TANK: variants seen among roughly 807,000 people sequenced by gnomAD.
TANK encodes the protein TRAF family member associated NFKB activator, also known as TRAF family member-associated NF-kappa-B activator.
Under a neutral mutation model 43.6 loss-of-function variants are expected in TANK, and 15 were observed. The ratio of observed to expected loss-of-function variants is 0.34; its 90% CI spans 0.23 to 0.53. The LOEUF (loss-of-function observed/expected upper bound fraction) is 0.53. Ranked by LOEUF, TANK falls within the 20% of genes least tolerant of loss-of-function variation. The pLI is 0.94. For missense variants in TANK, 417 were observed against 498.6 expected (o/e 0.84, Z 1.56); for synonymous variants, 162 against 178.2 (o/e 0.91, Z 0.73).
chr2:161,153,490 C>T (rs1457418138), intron 1 of TANK, among the ~76,000 whole-genome samples: 1 of 151,842 alleles, frequency 6.6e-6, no homozygotes, highest in Non-Finnish European at 1.5e-5. Context: ...GAGTTTAATA[C>T]CAGCCTGGGC....
intron 1 of TANK, among the ~76,000 whole-genome samples, chr2:161,172,390 T>G (rs1684991072): frequency 6.7e-6 from 1 of 149,440 alleles, no homozygotes; most frequent in African/African-American, 2.5e-5. Context: ...TAAAACGATT[T>G]TGGCCTAATT....
At chr2:161,183,504 C>G (rs1035129676) in intron 2 of TANK, among the ~76,000 whole-genome samples, 1 of 152,074 alleles carries the variant, frequency 6.6e-6, no homozygotes, top group African/African-American at 2.4e-5. Context: ...AAGACAGAAA[C>G]AGGAATTCCT....
chr2:161,232,707 A>G (rs1464194470), intron 7 of TANK: 2 of 1,542,694 alleles, frequency 1.3e-6, no homozygotes, highest in South Asian at 1.2e-5. Context: ...TTTCTCTATT[A>G]TATGTCTTGC....
Position 161,151,466 on chromosome 2 carries a change from T to C in TANK, c.-50+14403T>C, listed in dbSNP as rs528206836. On this transcript the variant is annotated intron_variant, in intron 1 of 7. Coordinates refer to the TANK transcript ENST00000259075. ...TGGGCCCTGTTATTTGATGGATATA[T>C]GTGTATAATTGCTATATCTTCTTGA... 9.2e-5 allele frequency among the ~76,000 whole-genome samples: 14 copies of C among 152,300 alleles called. No homozygotes were observed. In the South Asian group the frequency reaches 2.7e-3, roughly 29 times the overall value.
intron 2 of TANK, among the ~76,000 whole-genome samples, chr2:161,198,114 A>C (rs1574022948): frequency 6.6e-6 from 1 of 152,202 alleles, no homozygotes. Flanking sequence ...CTGTGAGCCT[A>C]TGAAATTATA....
chr2:161,177,590 A>C (rs1345509067), intron 1 of TANK, among the ~76,000 whole-genome samples: 1 of 152,098 alleles, frequency 6.6e-6, no homozygotes, highest in South Asian at 2.1e-4. Context: ...AAAAGAAACA[A>C]TTGAAAATCT....
upstream of TANK, among the ~76,000 whole-genome samples, chr2:161,155,695 G>A (rs763547515): frequency 6.6e-6 from 1 of 151,922 alleles, no homozygotes; most frequent in East Asian, 1.9e-4. Context: ...GATTCTTGTC[G>A]AACTTTTTCC....
In TANK at chr2:161,172,355, C is replaced by CTTTTCT. The variant is rs1553485179; in HGVS notation, c.-49-7255_-49-7254insCTTTTT. 3.5e-3 allele frequency among the ~76,000 whole-genome samples: 316 copies of CTTTTCT among 89,196 alleles called. 5 individuals are homozygous for CTTTTCT. Among genetic ancestry groups the CTTTTCT allele is most frequent in the African/African-American group, 0.013 (261 of 20,254 alleles). The allele number at this position is 89,196 out of a possible 152,430, so 58.5% of individuals were successfully genotyped here. On this transcript the variant is annotated intron_variant, in intron 1 of 7. Coordinates refer to ENST00000392749, the MANE Select transcript of TANK (RefSeq NM_001199135.3). ...TTTTCAAAAATGTAGTTTTTTTCGG[C>CTTTTCT]TTTTTTTTTTTTTTTTTTTGGGGGT...
At chr2:161,199,700 G>C (rs145267828) in intron 2 of TANK, among the ~76,000 whole-genome samples, 1 of 152,108 alleles carries the variant, frequency 6.6e-6, no homozygotes, top group Non-Finnish European at 1.5e-5. Context: ...TGCTATATTT[G>C]ATCACCAGTG....
intron 1 of TANK, chr2:161,140,030 G>T (rs1211967879): frequency 1.5e-6 from 1 of 680,788 alleles, no homozygotes; most frequent in East Asian, 1.4e-4. Context: ...TAGTATTTTT[G>T]TTTTTATATT....
intron 6 of TANK, among the ~76,000 whole-genome samples, chr2:161,229,106 T>C (rs888374940): frequency 6.6e-5 from 10 of 152,196 alleles, no homozygotes; most frequent in Admixed American, 1.3e-4. Context: ...CCAGAGAAAC[T>C]TATGTCCAAG....
chr2:161,151,109 C>T (rs1684067621), intron 1 of TANK, among the ~76,000 whole-genome samples: 1 of 152,088 alleles, frequency 6.6e-6, no homozygotes, highest in Admixed American at 6.6e-5. Context: ...GTATTAACTT[C>T]TAGTTTCATT....
intron 2 of TANK, among the ~76,000 whole-genome samples, chr2:161,186,067 G>A (rs1040172878): frequency 1.3e-5 from 2 of 152,180 alleles, no homozygotes; most frequent in African/African-American, 4.8e-5. Flanking sequence ...CTACCCAGGA[G>A]GCTGAGGTGG....
At chr2:161,217,585 TTGTGTGTGTGTGTGTG>T (rs375688309) in intron 4 of TANK, among the ~76,000 whole-genome samples, 7 of 136,556 alleles carry the variant, frequency 5.1e-5, no homozygotes, top group Admixed American at 2.2e-4. Context: ...GGTAGTTGGT[TTGTGTGTGTGTGTGTG>T]TGTGTGTGTG....
chr2:161,150,619 T>G (rs1684049858), intron 1 of TANK, among the ~76,000 whole-genome samples: 1 of 144,412 alleles, frequency 6.9e-6, no homozygotes, highest in African/African-American at 2.7e-5. Flanking sequence ...TCTTTTGAGA[T>G]GGAGTCTTAC....
intron 2 of TANK, among the ~76,000 whole-genome samples, chr2:161,194,694 C>G (rs1686065459): frequency 6.6e-6 from 1 of 152,100 alleles, no homozygotes; most frequent in Non-Finnish European, 1.5e-5. Flanking sequence ...AACCTTTAGC[C>G]TAAGGCTTAT....
At chr2:161,164,663 G>A (rs1026032722) in intron 1 of TANK, among the ~76,000 whole-genome samples, 5 of 152,104 alleles carry the variant, frequency 3.3e-5, no homozygotes, top group Non-Finnish European at 5.9e-5. Context: ...CTGAAAACAG[G>A]CTTTGGGACT....
intron 1 of TANK, among the ~76,000 whole-genome samples, chr2:161,138,373 T>G (rs1683647817): frequency 6.6e-6 from 1 of 152,214 alleles, no homozygotes; most frequent in Non-Finnish European, 1.5e-5. Context: ...CAGGGCTTTC[T>G]GTTACTACTG....
chr2:161,150,474 A>G (rs1309088401), intron 1 of TANK, among the ~76,000 whole-genome samples: 1 of 150,552 alleles, frequency 6.6e-6, no homozygotes, highest in African/African-American at 2.4e-5. Context: ...TGTTTCATTT[A>G]TCTCTTCTCT....
Sources: gnomAD v4.1 joint callset for allele counts (sites outside exome capture counted in the v4.1 genomes callset) on GRCh38, gnomAD v4.1.1 for gene constraint, MANE v1.5 for transcripts, NCBI Gene and HGNC (gene_info 2026-07-23, HGNC 2026-07-21) for gene names.